The following MYCBP2 variants were observed in gnomAD, a reference collection of about 807,000 sequenced individuals.
MYCBP2 encodes the protein MYC binding protein 2.
A neutral mutation model predicts 525.3 loss-of-function variants in MYCBP2; 120 were observed. That is an observed-to-expected ratio of 0.23 (90% CI 0.20 to 0.27). The LOEUF (loss-of-function observed/expected upper bound fraction) is 0.27. Ranked by LOEUF, MYCBP2 falls within the 10% of genes least tolerant of loss-of-function variation. The pLI is 1.00. For synonymous variants in MYCBP2, 1,894 were observed against 1,955.8 expected (o/e 0.97, Z 0.83); for missense variants, 4,149 against 5,657.1 (o/e 0.73, Z 8.55).
At chr13:77,197,171 G>A (rs1240173441) in intron 26 of MYCBP2, among the ~76,000 whole-genome samples, 1 of 152,164 alleles carries the variant, frequency 6.6e-6, no homozygotes, top group African/African-American at 2.4e-5. Context: ...CTTGACAAGA[G>A]CAATGTCAGT....
At chr13:77,142,030 G>T (rs998223483) in intron 49 of MYCBP2, among the ~76,000 whole-genome samples, 4 of 151,842 alleles carry the variant, frequency 2.6e-5, no homozygotes, top group African/African-American at 9.7e-5. Context: ...AATATAAGTG[G>T]ATTTTTCTTA....
intron 8 of MYCBP2, 32 bp from the exon 9 acceptor site, chr13:77,264,034 T>C (rs545984416): frequency 1.3e-6 from 2 of 1,578,150 alleles, no homozygotes; most frequent in South Asian, 1.1e-5. Context: ...TATATTACAA[T>C]ACAAGCAAAC....
chr13:77,176,563 C>T lies in MYCBP2; in HGVS notation c.5406G>A (p.Thr1802=), dbSNP rs375531837. The change falls in exon 36 of 83, where the codon ACG becomes ACA. Residue 1802 remains threonine (T), a synonymous_variant. Transcript: ENST00000544440. ...RWTSLELVKG[T]YTTDDSPSDI... ...CACTGGGTGAGTCATCCGTTGTGTA[C>T]GTTCCTTTCACTAATTCCAGAGATG... 15 of 1,600,186 alleles carry T rather than the reference C, an allele frequency of 9.4e-6. No individual in the cohort carries two copies. Among genetic ancestry groups the T allele is most frequent in the Middle Eastern group, 1.7e-4 (1 of 6,014 alleles).
In MYCBP2 at chr13:77,326,395, A is replaced by ACGCAAG; in HGVS notation, c.302+78_302+79insCTTGCG. ...CGCAGGTACACACACGCAAGCACAC[A>ACGCAAG]CACACGCGGGTGCACGCGCGGCATG... On this transcript the variant is annotated intron_variant, in intron 1 of 82. Coordinates refer to ENST00000544440, the MANE Select transcript of MYCBP2 (RefSeq NM_015057.5). The surrounding 1 kb of genome is among the most constrained non-coding windows in gnomAD (Gnocchi z 4.2). The ACGCAAG allele has an allele frequency of 7.2e-7, 1 of 1,381,760 alleles. No homozygotes were observed. The highest frequency in any genetic ancestry group is 9.6e-7 in the Non-Finnish European group (1 of 1,037,356). 85.6% of individuals were successfully genotyped at this position (1,381,760 alleles called of 1,614,324 possible).
rs916997762 is a variant in MYCBP2 at position 77,064,811 on chromosome 13, A to C, written c.12553-77T>G. ...AGTAAACTCTTTTTTCTTAAATAAC[A>C]TCTCCTATCAAAGGAAATATTTGTT... On this transcript the variant is annotated intron_variant, in intron 72 of 82. Coordinates refer to ENST00000544440, the MANE Select transcript of MYCBP2 (RefSeq NM_015057.5). 1.1e-5 allele frequency: 14 copies of C among 1,312,904 alleles called. 1 individual carries two copies. Among genetic ancestry groups the C allele is most frequent in the Admixed American group, 1.0e-4 (4 of 39,486 alleles). 81.3% of individuals were successfully genotyped at this position (1,312,904 alleles called of 1,614,324 possible).
intron 27 of MYCBP2, among the ~76,000 whole-genome samples, chr13:77,192,998 A>G (rs1443186318): frequency 6.6e-6 from 1 of 152,050 alleles, no homozygotes; most frequent in Non-Finnish European, 1.5e-5. Context: ...GCCTGGTGGC[A>G]TGCGACTGTA....
At chr13:77,249,830 A>C (rs980097105) in intron 15 of MYCBP2, among the ~76,000 whole-genome samples, 7 of 152,228 alleles carry the variant, frequency 4.6e-5, no homozygotes, top group Non-Finnish European at 1.0e-4. Context: ...TGCTTAAAAA[A>C]CAGAAAACAG....
At chr13:77,087,430 T>G in intron 62 of MYCBP2, 54 bp downstream of exon 62, 1 of 1,402,304 alleles carries the variant, frequency 7.1e-7, no homozygotes, top group Non-Finnish European at 9.9e-7. Flanking sequence ...TATTTGAAGG[T>G]ATACTACCAG....
rs181084304 is a variant in MYCBP2 at position 77,239,365 on chromosome 13, C to T, written c.2629+3694G>A. On this transcript the variant is annotated intron_variant, in intron 17 of 82. Transcript: ENST00000544440. ...ATAAAAGATCTGTATGTATGGCAGC[C>T]GGAACACTAACATTTTATTTGATGT... Among the ~76,000 whole-genome samples the T allele has an allele frequency of 3.3e-4, 50 of 152,188 alleles. No individual in the cohort carries two copies. In the East Asian group the frequency reaches 9.0e-3, roughly 28 times the overall value.
chr13:77,152,840 C>T (rs1035970546), intron 46 of MYCBP2, among the ~76,000 whole-genome samples: 2 of 151,912 alleles, frequency 1.3e-5, no homozygotes, highest in East Asian at 1.9e-4. Context: ...CTGAGGCGGG[C>T]GAATCACAAG....
At chr13:77,123,435 A>T (rs1259704236) in intron 54 of MYCBP2, among the ~76,000 whole-genome samples, 1 of 152,226 alleles carries the variant, frequency 6.6e-6, no homozygotes, top group East Asian at 1.9e-4. Context: ...TAAGTTTATA[A>T]GAATAAAATT....
At chr13:77,067,506 G>A in intron 71 of MYCBP2, 75 bp downstream of exon 71, 1 of 1,479,132 alleles carries the variant, frequency 6.8e-7, no homozygotes, top group African/African-American at 1.4e-5. Context: ...GGTAAAATCT[G>A]AAATTATGTC....
chr13:77,291,501 TGACTCAC>T (rs2077467840), intron 2 of MYCBP2, among the ~76,000 whole-genome samples: 1 of 152,218 alleles, frequency 6.6e-6, no homozygotes, highest in Non-Finnish European at 1.5e-5. Flanking sequence ...CCGGGTGCAG[TGACTCAC>T]GCCTGTAATC....
In MYCBP2 at chr13:77,045,083, T is replaced by C; in HGVS notation, c.*295A>G. On this transcript the variant is annotated 3_prime_UTR_variant, in exon 83 of 83. Transcript: ENST00000544440. ...CCATGGGCATGGCGATTCTTTTATA[T>C]CAATTATCTATAAATGTCCAATGCT... is the stretch of plus-strand genomic sequence containing the variant. 2.4e-6 allele frequency: 1 copy of C among 415,714 alleles called. No homozygotes were observed. The highest frequency in any genetic ancestry group is 3.4e-5 in the East Asian group (1 of 29,138). The allele number at this position is 415,714 out of a possible 1,614,324, so 25.8% of individuals were successfully genotyped here.
At chr13:77,096,633 G>A in intron 56 of MYCBP2, 152 bp from the exon 57 acceptor site, 1 of 766,768 alleles carries the variant, frequency 1.3e-6, no homozygotes, top group African/African-American at 1.8e-5. Context: ...AACTATATCA[G>A]AAAAATAGCT....
chr13:77,256,150 A>T (rs1052993175), intron 14 of MYCBP2, among the ~76,000 whole-genome samples: 1 of 152,084 alleles, frequency 6.6e-6, no homozygotes, highest in South Asian at 2.1e-4. Flanking sequence ...TTTTCTTGGT[A>T]AAGTGTCAGA....
intron 3 of MYCBP2, among the ~76,000 whole-genome samples, chr13:77,286,454 G>A (rs73547882): frequency 0.054 from 8,231 of 151,608 alleles, 370 homozygotes; most frequent in East Asian, 0.17. Context: ...CTACTATATA[G>A]AAAAAATATA....
At chr13:77,193,519 T>G (rs2061484770) in intron 27 of MYCBP2, among the ~76,000 whole-genome samples, 1 of 152,166 alleles carries the variant, frequency 6.6e-6, no homozygotes, top group African/African-American at 2.4e-5. Flanking sequence ...ATTTTTCTTA[T>G]AATAATATTC....
At chr13:77,111,608 G>C (rs902400950) in intron 55 of MYCBP2, among the ~76,000 whole-genome samples, 23 of 150,684 alleles carry the variant, frequency 1.5e-4, no homozygotes, top group Admixed American at 6.0e-4. Context: ...CTTTTAAGTA[G>C]AGACAGGGTC....
Sources: allele counts gnomAD v4.1 joint callset (sites outside exome capture counted in the v4.1 genomes callset), GRCh38; gene constraint gnomAD v4.1.1; non-coding constraint Gnocchi (gnomAD v3.1); transcripts MANE v1.5; gene names NCBI Gene and HGNC (gene_info 2026-07-23, HGNC 2026-07-21).